Variants in MED12L observed in about 807,000 individuals in gnomAD.
The protein encoded by MED12L is mediator complex subunit 12L.
MED12L carries 60 observed loss-of-function variants against 281.3 expected under a neutral mutation model. The ratio of observed to expected loss-of-function variants is 0.21; its 90% CI spans 0.17 to 0.26. The LOEUF (loss-of-function observed/expected upper bound fraction) is 0.26. Among genes scored for constraint, MED12L ranks in the 10% least tolerant of loss-of-function variants. MED12L has a pLI of 1.00. For synonymous variants in MED12L, 974 were observed against 987.2 expected, an observed-to-expected ratio of 0.99 and a Z score of 0.25; for missense variants, 2,146 against 2,680.9, an observed-to-expected ratio of 0.80 and a Z score of 4.41.
Position 151,415,223 on chromosome 3 carries a change from T to C in MED12L, c.6298-1089T>C, listed in dbSNP as rs1167117917. 2.6e-5 allele frequency among the ~76,000 whole-genome samples: 4 copies of C among 152,340 alleles called. No homozygotes were observed. The South Asian group carries it at 6.2e-4, about 24-fold the overall frequency. Reference sequence around the variant, plus strand: ...TAGCATAATATGTCCTTCTGGTAATTTTTTCATCATCAACACATTCTTCCC... The same window carrying C: ...TAGCATAATATGTCCTTCTGGTAATCTTTTCATCATCAACACATTCTTCCC... On this transcript the variant is annotated intron_variant, in intron 42 of 44. Transcript: ENST00000687756.
chr3:151,343,973 A>G (rs557443365), intron 16 of MED12L, among the ~76,000 whole-genome samples: 2 of 152,220 alleles, frequency 1.3e-5, no homozygotes, highest in Non-Finnish European at 2.9e-5. Context: ...GAGGGTGTGT[A>G]TTTTAAAGCA....
At chr3:151,285,178 A>G (rs1743302749) in intron 16 of MED12L, among the ~76,000 whole-genome samples, 1 of 152,204 alleles carries the variant, frequency 6.6e-6, no homozygotes, top group Admixed American at 6.5e-5. Context: ...GAGGATACAA[A>G]GGCATAAGAA....
chr3:151,262,493 A>G (rs2149505160), intron 16 of MED12L, among the ~76,000 whole-genome samples: 1 of 152,336 alleles, frequency 6.6e-6, no homozygotes, highest in East Asian at 1.9e-4. Flanking sequence ...GCTCAGCCAT[A>G]GACTTTACAT....
chr3:151,295,388 C>T, intron 16 of MED12L: 1 of 581,806 alleles, frequency 1.7e-6, no homozygotes, highest in Non-Finnish European at 3.0e-6. Flanking sequence ...GAATTAGTGA[C>T]CTTCTCTCAC....
intron 44 of MED12L, among the ~76,000 whole-genome samples, chr3:151,431,573 A>G (rs923342318): frequency 2.0e-5 from 3 of 152,224 alleles, no homozygotes; most frequent in African/African-American, 4.8e-5. Flanking sequence ...TGGTCTATTA[A>G]AACACATTTG....
chr3:151,344,305 T>TAAA (rs60921069), intron 16 of MED12L, among the ~76,000 whole-genome samples: 32 of 150,952 alleles, frequency 2.1e-4, no homozygotes, highest in South Asian at 1.0e-3. Flanking sequence ...TACTAATGAT[T>TAAA]AAAAAAAAAC....
chr3:151,411,804 C>G (rs896991096), intron 41 of MED12L, among the ~76,000 whole-genome samples: 2 of 151,898 alleles, frequency 1.3e-5, no homozygotes, highest in African/African-American at 4.8e-5. Context: ...TTTTCCTCTT[C>G]TTTTTTAAAA....
At chr3:151,422,250 A>G (rs569779353) in intron 43 of MED12L, among the ~76,000 whole-genome samples, 41 of 152,334 alleles carry the variant, frequency 2.7e-4, no homozygotes, top group Admixed American at 9.2e-4. Flanking sequence ...GAGGCATTGT[A>G]TTAGTTTGCT....
chr3:151,394,363 C>T (rs1714679607), intron 38 of MED12L, among the ~76,000 whole-genome samples: 1 of 152,122 alleles, frequency 6.6e-6, no homozygotes, highest in African/African-American at 2.4e-5. Context: ...ATTTAAAACC[C>T]ATGTAATTAT....
chr3:151,404,717 A>G (rs771703257), intron 39 of MED12L, among the ~76,000 whole-genome samples: 2 of 152,224 alleles, frequency 1.3e-5, no homozygotes, highest in Non-Finnish European at 2.9e-5. Flanking sequence ...GTTTTTATAG[A>G]TATAACTTGT....
rs144921684 is a variant in MED12L at position 151,262,410 on chromosome 3, C to T, written c.2250+68744C>T. Reference sequence around the variant, plus strand: ...GATATCTCCAGACATTAATGCTGGGCCCTGTGGTGAATGTAAACATGGTAC... The same window carrying T: ...GATATCTCCAGACATTAATGCTGGGTCCTGTGGTGAATGTAAACATGGTAC... On this transcript the variant is annotated intron_variant, in intron 16 of 44. Coordinates refer to ENST00000687756, the MANE Select transcript of MED12L (RefSeq NM_001393769.1). Among the ~76,000 whole-genome samples the T allele has an allele frequency of 9.9e-4, 150 of 152,252 alleles. 1 individual carries two copies. The highest frequency in any genetic ancestry group is 3.4e-3 in the African/African-American group (141 of 41,552).
intron 2 of MED12L, among the ~76,000 whole-genome samples, chr3:151,102,523 C>G (rs1394918923): frequency 6.6e-6 from 1 of 152,160 alleles, no homozygotes; most frequent in Non-Finnish European, 1.5e-5. Flanking sequence ...CTTTTCCAAG[C>G]CAGAAGAAGG....
chr3:151,343,824 A>T (rs1202105874), intron 16 of MED12L, among the ~76,000 whole-genome samples: 3 of 152,166 alleles, frequency 2.0e-5, no homozygotes, highest in African/African-American at 7.2e-5. Context: ...TTCAAATGGG[A>T]TTACTCTGAA....
chr3:151,399,286 CGTT>C (rs1715362729), intron 39 of MED12L, among the ~76,000 whole-genome samples: 1 of 152,146 alleles, frequency 6.6e-6, no homozygotes, highest in South Asian at 2.1e-4. Flanking sequence ...TCATACTTAT[CGTT>C]GCTGCTTATT....
At chr3:151,194,923 G>A (rs1275107168) in intron 16 of MED12L, among the ~76,000 whole-genome samples, 1 of 152,100 alleles carries the variant, frequency 6.6e-6, no homozygotes, top group Non-Finnish European at 1.5e-5. Flanking sequence ...CCAGCACTTT[G>A]GGAGGCCGAG....
chr3:151,293,003 T>C (rs1559991003), intron 16 of MED12L, among the ~76,000 whole-genome samples: 1 of 152,212 alleles, frequency 6.6e-6, no homozygotes. Context: ...TCAGTGTCCA[T>C]TGCATTTATA....
rs192202726 is a variant in MED12L, at chr3:151,350,056, C to T, written c.2251-3C>T. On this transcript the variant is annotated splice_region_variant and splice_polypyrimidine_tract_variant and intron_variant, in intron 16 of 44. Transcript: ENST00000687756. The stretch of plus-strand genomic sequence containing the variant: ...GTTTCAGAATGCATTTTCTGTTTTT[C>T]AGGATGAATCTTCAAGTCATGAATG... 158 of 1,605,796 alleles carry T rather than the reference C, an allele frequency of 9.8e-5. No individual in the cohort carries two copies. The highest frequency in any genetic ancestry group is 2.5e-4 in the Admixed American group (15 of 59,158).
At chr3:151,162,108 T>A (rs1576860654) in intron 8 of MED12L, among the ~76,000 whole-genome samples, 2 of 152,114 alleles carry the variant, frequency 1.3e-5, no homozygotes, top group East Asian at 3.8e-4. Flanking sequence ...ATATATATAT[T>A]TTGATGGGCA....
intron 2 of MED12L, among the ~76,000 whole-genome samples, chr3:151,096,376 C>T (rs1277271144): frequency 2.6e-5 from 4 of 152,210 alleles, no homozygotes; most frequent in African/African-American, 7.2e-5. Context: ...CCACTCCCCC[C>T]GCCCCACACC....
Sources: gnomAD v4.1 joint callset for allele counts (sites outside exome capture counted in the v4.1 genomes callset) on GRCh38, gnomAD v4.1.1 for gene constraint, MANE v1.5 for transcripts, NCBI Gene and HGNC (gene_info 2026-07-23, HGNC 2026-07-21) for gene names.